The following NCKAP5 variants were observed in gnomAD, a reference collection of about 807,000 sequenced individuals.
NCKAP5 encodes NCK associated protein 5.
NCKAP5 carries 92 observed loss-of-function variants against 167.0 expected under a neutral mutation model. The observed-to-expected ratio is 0.55, with a 90% CI of 0.47 to 0.66. NCKAP5 has a LOEUF of 0.66. Ranked by LOEUF, NCKAP5 falls within the 30% of genes least tolerant of loss-of-function variation. NCKAP5 has a pLI of 0.00. For synonymous variants in NCKAP5, 891 were observed against 877.4 expected (o/e 1.02, Z -0.27); for missense variants, 2,378 against 2,315.0 (o/e 1.03, Z -0.56).
chr2:133,093,852 C>T (rs6761371), intron 6 of NCKAP5, among the ~76,000 whole-genome samples: 7,784 of 152,264 alleles, frequency 0.051, 643 homozygotes, highest in African/African-American at 0.17. Flanking sequence ...GTAATGTTCA[C>T]AATGTATAAC....
At chr2:133,011,316 A>T (rs6710773) in intron 6 of NCKAP5, among the ~76,000 whole-genome samples, 2,319 of 152,324 alleles carry the variant, frequency 0.015, 60 homozygotes, top group African/African-American at 0.053. Context: ...CGCTATACAG[A>T]TGTTAAAAAT....
chr2:133,476,699 A>C (rs989916597), intron 3 of NCKAP5, among the ~76,000 whole-genome samples: 7 of 152,358 alleles, frequency 4.6e-5, no homozygotes, highest in Admixed American at 1.3e-4. Context: ...AAATGTTTAA[A>C]TAGAGCCATC....
chr2:132,730,448 T>G (rs1287842363), intron 17 of NCKAP5, among the ~76,000 whole-genome samples: 1 of 152,110 alleles, frequency 6.6e-6, no homozygotes, highest in African/African-American at 2.4e-5. Context: ...AGAGCCAGGA[T>G]TGCACCATTG....
intron 11 of NCKAP5, among the ~76,000 whole-genome samples, chr2:132,849,545 C>G (rs1688920944): frequency 6.6e-6 from 1 of 152,178 alleles, no homozygotes; most frequent in South Asian, 2.1e-4. Context: ...GCAAACAGAT[C>G]ATTTGTTGCA....
chr2:132,922,947 A>G (rs1396733221), intron 8 of NCKAP5, among the ~76,000 whole-genome samples: 1 of 152,224 alleles, frequency 6.6e-6, no homozygotes, highest in East Asian at 1.9e-4. Context: ...GGAGGGATGC[A>G]TAATGTTCAA....
chr2:132,969,039 A>G (rs762205475), intron 7 of NCKAP5, among the ~76,000 whole-genome samples: 6 of 152,008 alleles, frequency 3.9e-5, no homozygotes, highest in African/African-American at 1.2e-4. Context: ...TCACTGACTT[A>G]TTTACTTATT....
At chr2:132,949,888 GT>G (rs2076132556) in intron 8 of NCKAP5, among the ~76,000 whole-genome samples, 1 of 152,174 alleles carries the variant, frequency 6.6e-6, no homozygotes, top group Non-Finnish European at 1.5e-5. Flanking sequence ...GAGGTCAGGA[GT>G]TCGACACCAG....
chr2:133,124,317 T>C (rs912253797), intron 6 of NCKAP5, among the ~76,000 whole-genome samples: 2 of 152,224 alleles, frequency 1.3e-5, no homozygotes, highest in South Asian at 4.1e-4. Context: ...ACAAGGAACA[T>C]TTCAAGGCTG....
chr2:132,933,307 CCT>C (rs1344285444), intron 8 of NCKAP5, among the ~76,000 whole-genome samples: 2 of 152,250 alleles, frequency 1.3e-5, no homozygotes, highest in African/African-American at 4.8e-5. Flanking sequence ...ATATATGGTA[CCT>C]CTCTGTCTCT....
At chr2:133,258,431 C>T (rs1197881272) in intron 4 of NCKAP5, among the ~76,000 whole-genome samples, 1 of 152,184 alleles carries the variant, frequency 6.6e-6, no homozygotes, top group East Asian at 1.9e-4. Context: ...ACAGCCCCCA[C>T]AATATGTTCC....
At chr2:133,284,758 A>G in intron 4 of NCKAP5, 1 of 152,224 alleles carries the variant, frequency 6.6e-6, no homozygotes, top group East Asian at 1.9e-4. Flanking sequence ...AAAGCCCATG[A>G]GAAAGTTTTC....
intron 10 of NCKAP5, among the ~76,000 whole-genome samples, chr2:132,866,251 A>G (rs58480923): frequency 0.032 from 4,910 of 152,342 alleles, 285 homozygotes; most frequent in African/African-American, 0.11. Context: ...AACAAAAAAC[A>G]AACCCAAAAC....
At chr2:133,606,148 T>C in the NCKAP5 span, among the ~76,000 whole-genome samples, 4 of 147,692 alleles carry the variant, frequency 2.7e-5, no homozygotes, top group African/African-American at 7.5e-5. Context: ...TCAAAAAAAA[T>C]TGAAGGCAGA....
chr2:132,771,990 C>T (rs1301380112), intron 16 of NCKAP5, among the ~76,000 whole-genome samples: 1 of 151,768 alleles, frequency 6.6e-6, no homozygotes, highest in Non-Finnish European at 1.5e-5. Context: ...TGCACCAGGC[C>T]GATACTCGTA....
At position 132,773,830 on chromosome 2, in the gene NCKAP5, T is replaced by C; in HGVS notation, c.5114A>G (p.Gln1705Arg). The C allele has an allele frequency of 3.7e-6, 6 of 1,610,924 alleles. No homozygotes were observed. Among genetic ancestry groups the C allele is most frequent in the Non-Finnish European group, 5.1e-6 (6 of 1,178,920 alleles). ...EDDAVADSVF[Q>R]SHIIESNCQM... ...TGAATTTTTACCTATGATGTGGCTC[T>C]GAAATACAGAATCTGCAACTGCATC... is the stretch of plus-strand genomic sequence containing the variant. Residue 1705 changes from glutamine to arginine, a missense_variant, in exon 16 of 20, where the codon CAG (glutamine) becomes CGG (arginine). Coordinates refer to ENST00000409261, the MANE Select transcript of NCKAP5 (RefSeq NM_207363.3).
chr2:132,680,390 A>G (rs546200315), intron 19 of NCKAP5, among the ~76,000 whole-genome samples: 2 of 152,102 alleles, frequency 1.3e-5, no homozygotes, highest in Non-Finnish European at 2.9e-5. Context: ...TTCAGCAGAG[A>G]TGTGCTTTTA....
chr2:133,292,202 A>G (rs1574621237), intron 4 of NCKAP5, among the ~76,000 whole-genome samples: 1 of 152,228 alleles, frequency 6.6e-6, no homozygotes, highest in East Asian at 1.9e-4. Flanking sequence ...AAAATAAGTC[A>G]TAAGTATGCT....
chr2:133,391,912 T>C (rs757629480), intron 3 of NCKAP5, among the ~76,000 whole-genome samples: 8 of 152,178 alleles, frequency 5.3e-5, no homozygotes, highest in Non-Finnish European at 8.8e-5. Flanking sequence ...CTAGAATGAA[T>C]TGGGAGACCA....
rs79189020 is a variant in NCKAP5 at position 133,172,575 on chromosome 2, G to A, written c.207+41141C>T. Among the ~76,000 whole-genome samples, 331 of 152,176 alleles carry A rather than the reference G, an allele frequency of 2.2e-3. 7 individuals carry two copies. The East Asian group carries it at 0.061, about 28-fold the overall frequency. ...CAACCTCCGCCTCCCAAGTTCAAGC[G>A]ATTCTCCTGTCTCAGCCTCCAAGTA... On this transcript the variant is annotated intron_variant, in intron 5 of 19. Coordinates refer to ENST00000409261, the MANE Select transcript of NCKAP5 (RefSeq NM_207363.3).
Sources: gnomAD v4.1 joint callset for allele counts (sites outside exome capture counted in the v4.1 genomes callset) on GRCh38, gnomAD v4.1.1 for gene constraint, MANE v1.5 for transcripts, NCBI Gene and HGNC (gene_info 2026-07-23, HGNC 2026-07-21) for gene names.